The following LARP1 variants were observed in gnomAD, a reference collection of about 807,000 sequenced individuals.
LARP1 encodes la-related protein 1.
A neutral mutation model predicts 122.7 loss-of-function variants in LARP1; 36 were observed. The ratio of observed to expected loss-of-function variants is 0.29; its 90% confidence interval spans 0.22 to 0.39. The LOEUF (loss-of-function observed/expected upper bound fraction) is 0.39, where lower values mean the gene tolerates loss of function less well. Ranked by LOEUF, LARP1 falls within the 10% of genes least tolerant of loss-of-function variation. LARP1 has a pLI of 1.00. For missense variants in LARP1, 1,040 were observed against 1,403.6 expected (o/e 0.74, Z 4.14); for synonymous variants, 539 against 528.7 (o/e 1.02, Z -0.27).
At chr5:154,737,520 C>A (rs961025939) in intron 1 of LARP1, among the ~76,000 whole-genome samples, 7 of 144,848 alleles carry the variant, frequency 4.8e-5, no homozygotes, top group African/African-American at 1.8e-4. Context: ...CAGCTCACTG[C>A]AACCTCCGCC....
intron 1 of LARP1, among the ~76,000 whole-genome samples, chr5:154,687,797 T>C (rs1438629710): frequency 6.6e-6 from 1 of 152,044 alleles, no homozygotes; most frequent in Non-Finnish European, 1.5e-5. Context: ...CGAGAGAACC[T>C]GTCTCAACAA....
In LARP1 at chr5:154,815,645, G is replaced by A. The variant is rs72797599; in HGVS notation, c.*1549G>A. The stretch of plus-strand genomic sequence containing the variant: ...CTCACTCTCCAATTGACCCGCCTGG[G>A]AACAAGGGATGAGGAGGAGTTGGGG... On this transcript the variant is annotated 3_prime_UTR_variant, in exon 19 of 19. Coordinates refer to ENST00000518297, the MANE Select transcript of LARP1 (RefSeq NM_033551.3). 2,574 of 152,766 alleles carry A rather than the reference G, an allele frequency of 0.017. 26 individuals are homozygous for A. The highest frequency in any genetic ancestry group is 0.026 in the Non-Finnish European group (1,812 of 68,456). The allele number at this position is 152,766 out of a possible 1,614,324, so 9.5% of individuals were successfully genotyped here.
At chr5:154,784,712 T>C (rs1756747749) in intron 1 of LARP1, among the ~76,000 whole-genome samples, 1 of 152,188 alleles carries the variant, frequency 6.6e-6, no homozygotes, top group African/African-American at 2.4e-5. Context: ...CCAGATCTTT[T>C]TACTGTGACC....
At chr5:154,778,088 C>T (rs1185360330) in intron 1 of LARP1, among the ~76,000 whole-genome samples, 4 of 151,826 alleles carry the variant, frequency 2.6e-5, no homozygotes, top group African/African-American at 7.3e-5. Context: ...GGTGAAACCC[C>T]GTCTCTATTA....
intron 1 of LARP1, among the ~76,000 whole-genome samples, chr5:154,768,359 T>C (rs1185302814): frequency 6.6e-6 from 1 of 152,210 alleles, no homozygotes; most frequent in Admixed American, 6.5e-5. Context: ...ACAAGACACA[T>C]TGCGGCCATG....
chr5:154,752,386 G>T (rs1753548124), upstream of LARP1, among the ~76,000 whole-genome samples: 1 of 151,928 alleles, frequency 6.6e-6, no homozygotes, highest in African/African-American at 2.4e-5. Context: ...TGGATTACAG[G>T]TGTGCGCCAC....
In LARP1 at chr5:154,802,216, G is replaced by T. The variant is rs1449975494; in HGVS notation, c.1926G>T (p.Lys642Asn). 6.2e-7 allele frequency: 1 copy of T among 1,614,196 alleles called. No individual in the cohort carries two copies. Among genetic ancestry groups the T allele is most frequent in the South Asian group, 1.1e-5 (1 of 91,080 alleles). The change falls in exon 11 of 19, where the codon AAG becomes AAT. Residue 642 changes from lysine to asparagine, a missense_variant. Lys to Asn is a moderately conservative substitution (Grantham distance 94). Coordinates refer to ENST00000518297, the MANE Select transcript of LARP1 (RefSeq NM_033551.3). The surrounding 1 kb of genome is among the most constrained non-coding windows in gnomAD (Gnocchi z 5.1). ...DYEIDDRDVNKILIVTQTPHY... is the reference protein window; with the variant it reads ...DYEIDDRDVNNILIVTQTPHY... ...AGATTGATGACAGGGATGTCAACAA[G>T]ATCCTCATTGTCACCCAGACACCAC...
chr5:154,722,297 C>T (rs929678949), intron 1 of LARP1, among the ~76,000 whole-genome samples: 3 of 152,158 alleles, frequency 2.0e-5, no homozygotes, highest in African/African-American at 7.2e-5. Flanking sequence ...GTCTTCCCTC[C>T]CTGCCTTTTT....
rs1271078353 is a variant in LARP1, at chr5:154,732,114, C to T, written c.205+18984C>T. The stretch of plus-strand genomic sequence containing the variant: ...CCGGGAGGCGGAGGTTGCAGTGAGC[C>T]GAGATGGTGCCACTGCACTCAAGCC... On this transcript the variant is annotated intron_variant, in intron 1 of 18. Transcript: ENST00000336314. 6.7e-5 allele frequency among the ~76,000 whole-genome samples: 10 copies of T among 148,860 alleles called. No homozygotes were observed. The East Asian group carries it at 9.9e-4, about 15-fold the overall frequency.
chr5:154,812,264 C>T (rs1392236133), intron 18 of LARP1, among the ~76,000 whole-genome samples: 1 of 152,158 alleles, frequency 6.6e-6, no homozygotes, highest in Admixed American at 6.5e-5. Flanking sequence ...AGCAAAAAGG[C>T]AAATGCAAGT....
Position 154,774,500 on chromosome 5 carries a change from A to G in LARP1, c.437-15825A>G, listed in dbSNP as rs983469913. On this transcript the variant is annotated intron_variant, in intron 1 of 18. Coordinates refer to ENST00000518297, the MANE Select transcript of LARP1 (RefSeq NM_033551.3). ...GGCATTTGCCAGAGCTGAGGAGTCTAAGGCACCATCTTTTCATTTCTCCTG... is the reference window on the plus strand; with the variant it reads ...GGCATTTGCCAGAGCTGAGGAGTCTGAGGCACCATCTTTTCATTTCTCCTG... 2.6e-5 allele frequency among the ~76,000 whole-genome samples: 4 copies of G among 152,346 alleles called. No homozygotes were observed. The East Asian group carries it at 5.8e-4, about 22-fold the overall frequency.
intron 1 of LARP1, among the ~76,000 whole-genome samples, chr5:154,759,780 G>C (rs571862170): frequency 2.6e-4 from 40 of 151,548 alleles, no homozygotes; most frequent in African/African-American, 9.3e-4. Context: ...TACAACCATG[G>C]TTTTTCACTT....
rs147728579 is a variant in LARP1, at chr5:154,763,054, CTTT to C, written c.436+6877_436+6879del. 4.2e-3 allele frequency among the ~76,000 whole-genome samples: 544 copies of C among 129,898 alleles called. 1 individual carries two copies. Among genetic ancestry groups the C allele is most frequent in the African/African-American group, 0.014 (478 of 35,220 alleles). The allele number at this position is 129,898 out of a possible 152,430, so 85.2% of individuals were successfully genotyped here. A position where few individuals can be genotyped will look rare whatever the true frequency, so the allele number is the denominator to read the frequency against. On this transcript the variant is annotated intron_variant, in intron 1 of 18. Coordinates refer to ENST00000518297, the MANE Select transcript of LARP1 (RefSeq NM_033551.3). ...GCCCAAGTGATCTGCTGAGCAGATG[CTTT>C]TTTTTTTTTTTTTTTCTTTTTTTGA...
At chr5:154,756,408 G>T in intron 1 of LARP1, 1 of 995,754 alleles carries the variant, frequency 1.0e-6, no homozygotes. Flanking sequence ...CCTCCGGGAG[G>T]CTACGGCCAC....
At position 154,803,478 on chromosome 5, in the gene LARP1, T is replaced by C; in HGVS notation, c.2234-62T>C. On this transcript the variant is annotated intron_variant, in intron 12 of 18. Transcript: ENST00000518297. The surrounding 1 kb of genome is among the most constrained non-coding windows in gnomAD (Gnocchi z 4.4). ...GATCTAGGGCCCTTGGACTGGGGGC[T>C]ATCCTGGGGTGGATGCCACAGGCCT... is the stretch of plus-strand genomic sequence containing the variant. The C allele has an allele frequency of 6.2e-7, 1 of 1,613,988 alleles. No homozygotes were observed. The highest frequency in any genetic ancestry group is 1.7e-5 in the Admixed American group (1 of 60,018).
At chr5:154,751,481 C>T (rs1368229895), upstream of LARP1, among the ~76,000 whole-genome samples, 1 of 152,098 alleles carries the variant, frequency 6.6e-6, no homozygotes, top group African/African-American at 2.4e-5. Context: ...TAGAACCTAG[C>T]GTACACTAGT....
upstream of LARP1, among the ~76,000 whole-genome samples, chr5:154,712,696 T>C (rs1755275549): frequency 6.6e-6 from 1 of 152,184 alleles, no homozygotes; most frequent in South Asian, 2.1e-4. Flanking sequence ...TTTACTCACC[T>C]GAGTCTCTCT....
chr5:154,733,721 C>A (rs1756718030), intron 1 of LARP1, among the ~76,000 whole-genome samples: 1 of 152,022 alleles, frequency 6.6e-6, no homozygotes, highest in Admixed American at 6.6e-5. Context: ...TGCCACAATG[C>A]CTGGCTAATT....
chr5:154,724,410 A>G (rs751344369), intron 1 of LARP1, among the ~76,000 whole-genome samples: 1 of 152,224 alleles, frequency 6.6e-6, no homozygotes, highest in Non-Finnish European at 1.5e-5. Flanking sequence ...TCTGGGTCCA[A>G]TATCTAGGAC....
Sources: gnomAD v4.1 joint callset for allele counts (sites outside exome capture counted in the v4.1 genomes callset) on GRCh38, gnomAD v4.1.1 for gene constraint, Gnocchi (gnomAD v3.1) non-coding constraint, MANE v1.5 for transcripts, NCBI Gene and HGNC (gene_info 2026-07-23, HGNC 2026-07-21) for gene names.